Variants in CCDC180 observed in about 807,000 individuals in gnomAD.
CCDC180 encodes the protein coiled-coil domain containing 180.
A neutral mutation model predicts 209.2 loss-of-function variants in CCDC180; 154 were observed. That is an observed-to-expected ratio of 0.74 (90% CI 0.65 to 0.84). The LOEUF (loss-of-function observed/expected upper bound fraction) is 0.84, where lower values mean the gene tolerates loss of function less well. Ranked by LOEUF, CCDC180 falls within the 40% of genes least tolerant of loss-of-function variation. The probability of loss-of-function intolerance (pLI) is 0.00; values close to 1 mark genes in which losing one functional copy is unlikely to be tolerated. For synonymous variants in CCDC180, 778 were observed against 749.1 expected (o/e 1.04, Z -0.63); for missense variants, 1,874 against 1,997.3 (o/e 0.94, Z 1.18).
chr9:97,331,390 C>T (rs556691844), intron 18 of CCDC180, among the ~76,000 whole-genome samples: 21 of 152,144 alleles, frequency 1.4e-4, no homozygotes, highest in Non-Finnish European at 2.6e-4. Context: ...TATATGCATG[C>T]ATGTGTCTTT....
intron 20 of CCDC180, 126 bp downstream of exon 20, chr9:97,347,615 C>T (rs965126659): frequency 1.2e-5 from 11 of 911,838 alleles, no homozygotes; most frequent in South Asian, 1.8e-5. Flanking sequence ...GTTCTCATCA[C>T]ACCATGGAAG....
At chr9:97,325,214 C>T in intron 14 of CCDC180, 22 bp downstream of exon 14, 1 of 1,566,060 alleles carries the variant, frequency 6.4e-7, no homozygotes, top group Non-Finnish European at 8.7e-7. Context: ...ACCCGGGGCT[C>T]CATGTTTCAC....
chr9:97,347,324 G>A lies in CCDC180; in HGVS notation c.2509G>A (p.Gly837Ser). 3 of 1,535,922 alleles carry A rather than the reference G, an allele frequency of 2.0e-6. No homozygotes were observed. The highest frequency in any genetic ancestry group is 2.6e-6 in the Non-Finnish European group (3 of 1,146,894). Reference protein sequence around the residue: ...ILEIKKQLRAGFFEHLEKWFD... With the variant: ...ILEIKKQLRASFFEHLEKWFD... ...TGGTCTCGCCCTCAGACTTCGAGCT[G>A]GCTTCTTCGAGCACCTTGAGAAGTG... Residue 837 changes from glycine to serine, a missense_variant, in exon 20 of 37, where the codon GGC becomes AGC. Physicochemically the swap from Gly to Ser is moderately conservative, Grantham distance 56. Coordinates refer to ENST00000529487, the MANE Select transcript of CCDC180 (RefSeq NM_020893.6).
rs1411353956 is a variant in CCDC180 at position 97,314,847 on chromosome 9, C to T, written c.700-4C>T. On this transcript the variant is annotated splice_polypyrimidine_tract_variant and splice_region_variant and intron_variant, in intron 7 of 36. Coordinates refer to ENST00000529487, the MANE Select transcript of CCDC180 (RefSeq NM_020893.6). ...CACTAAGTATGGTGCCTTGTCATTT[C>T]TAGCTAAAAAGCGTGTTGAAGAAAT... is the stretch of plus-strand genomic sequence containing the variant. 6.2e-7 allele frequency: 1 copy of T among 1,613,084 alleles called. No homozygotes were observed. The highest frequency in any genetic ancestry group is 8.5e-7 in the Non-Finnish European group (1 of 1,179,194).
chr9:97,373,292 A>G (rs1261632821), intron 34 of CCDC180: 1 of 152,278 alleles, frequency 6.6e-6, no homozygotes, highest in African/African-American at 2.4e-5. Flanking sequence ...TGATCTATAA[A>G]GTAATTAAAA....
chr9:97,374,275 C>A (rs533650312), intron 34 of CCDC180: 198 of 433,046 alleles, frequency 4.6e-4, no homozygotes, highest in African/African-American at 3.5e-3. Flanking sequence ...ACTGCAGCAA[C>A]GTCAGAGCAT....
At chr9:97,317,044 C>T (rs1272749310) in intron 8 of CCDC180, 21 bp from the exon 9 acceptor site, 1 of 1,597,444 alleles carries the variant, frequency 6.3e-7, no homozygotes, top group Admixed American at 1.7e-5. Context: ...TGTCTAGAGC[C>T]CTGCCCATCT....
chr9:97,322,816 G>A lies in CCDC180; in HGVS notation c.1160-17G>A, dbSNP rs761916590. 1 of 1,612,216 alleles carries A rather than the reference G, an allele frequency of 6.2e-7. No individual in the cohort carries two copies. The highest frequency in any genetic ancestry group is 8.5e-7 in the Non-Finnish European group (1 of 1,178,622). On this transcript the variant is annotated splice_polypyrimidine_tract_variant and intron_variant, in intron 11 of 36. Coordinates refer to ENST00000529487, the MANE Select transcript of CCDC180 (RefSeq NM_020893.6). ...TCTTCCTTCTGGACTGATTTGCTTT[G>A]TTTTCTGCCCATGGAGACACCTACC... is the stretch of plus-strand genomic sequence containing the variant.
At position 97,350,421 on chromosome 9, in the gene CCDC180, C is replaced by G; in HGVS notation, c.2868C>G (p.Leu956=). ...NATRSQKLVT[L]SNTLHQELLS... is the part of the protein sequence containing the mutation. ...CTGTCTCCCACAGGCTGGTCACTCT[C>G]AGCAACACACTGCACCAGGAGTTGC... Residue 956 remains leucine, a synonymous_variant, in exon 22 of 37, where the codon CTC becomes CTG. Coordinates refer to ENST00000529487, the MANE Select transcript of CCDC180 (RefSeq NM_020893.6). The G allele has an allele frequency of 6.5e-7, 1 of 1,535,582 alleles. No individual in the cohort carries two copies. The highest frequency in any genetic ancestry group is 1.4e-5 in the African/African-American group (1 of 73,120).
chr9:97,368,105 C>T (rs543781379), intron 31 of CCDC180, among the ~76,000 whole-genome samples: 8 of 152,308 alleles, frequency 5.3e-5, no homozygotes, highest in Admixed American at 5.2e-4. Flanking sequence ...CTTCTGTTTC[C>T]TGCAGCTTGG....
chr9:97,347,328 T>C lies in CCDC180; in HGVS notation c.2513T>C (p.Phe838Ser), dbSNP rs751099606. 4 of 1,535,980 alleles carry C rather than the reference T, an allele frequency of 2.6e-6. No individual in the cohort carries two copies. The South Asian group carries it at 4.8e-5, about 18-fold the overall frequency. ...LEIKKQLRAGFFEHLEKWFDQ... is the reference protein window; with the variant it reads ...LEIKKQLRAGSFEHLEKWFDQ... ...CTCGCCCTCAGACTTCGAGCTGGCTTCTTCGAGCACCTTGAGAAGTGGTTT... is the reference window on the plus strand; with the variant it reads ...CTCGCCCTCAGACTTCGAGCTGGCTCCTTCGAGCACCTTGAGAAGTGGTTT... Residue 838 changes from phenylalanine to serine, a missense_variant, in exon 20 of 37, where the codon TTC becomes TCC. Transcript: ENST00000529487.
At chr9:97,371,929 C>G (rs1827112186) in intron 34 of CCDC180, 2 of 367,248 alleles carry the variant, frequency 5.4e-6, no homozygotes, top group South Asian at 1.7e-4. Flanking sequence ...AGTAAACACT[C>G]CCATACTCTT....
intron 16 of CCDC180, among the ~76,000 whole-genome samples, chr9:97,329,152 G>C (rs1424636421): frequency 6.6e-6 from 1 of 152,224 alleles, no homozygotes; most frequent in Admixed American, 6.5e-5. Flanking sequence ...GCTAATAGCT[G>C]CTCCCTGTGC....
At chr9:97,321,000 G>C (rs1171937450) in intron 11 of CCDC180, among the ~76,000 whole-genome samples, 1 of 152,158 alleles carries the variant, frequency 6.6e-6, no homozygotes, top group Non-Finnish European at 1.5e-5. Context: ...GTGGTGCCTG[G>C]ATACGTGGTG....
At position 97,325,071 on chromosome 9, in the gene CCDC180, TC is replaced by T. The variant is rs1587793671; in HGVS notation, c.1425del (p.Phe475LeufsTer54). On this transcript the variant is annotated frameshift_variant, in exon 14 of 37. Coordinates refer to ENST00000529487, the MANE Select transcript of CCDC180 (RefSeq NM_020893.6). LOFTEE classifies it high-confidence loss of function. ...DQTEWQSSHL[F>X]KYFQEVVQLW... ...ACAGAGTGGCAGAGTTCACACCTCT[TC>T]AAGTATTTCCAGGAGGTGGTACAAC... The T allele has an allele frequency of 4.3e-6, 7 of 1,614,058 alleles. No individual in the cohort carries two copies. In the East Asian group the frequency reaches 1.3e-4, roughly 31 times the overall value.
intron 8 of CCDC180, among the ~76,000 whole-genome samples, chr9:97,316,196 A>C (rs1833167103): frequency 6.6e-6 from 1 of 152,206 alleles, no homozygotes; most frequent in Non-Finnish European, 1.5e-5. Context: ...TCATTATTAC[A>C]ACTTGCATTT....
intron 31 of CCDC180, among the ~76,000 whole-genome samples, chr9:97,368,402 G>T (rs569280525): frequency 2.6e-5 from 4 of 152,334 alleles, no homozygotes; most frequent in Non-Finnish European, 5.9e-5. Context: ...AAAGTGGGAA[G>T]TCTAAAAGGA....
chr9:97,356,376 A>G (rs144499718), intron 24 of CCDC180, among the ~76,000 whole-genome samples: 1 of 152,148 alleles, frequency 6.6e-6, no homozygotes. Context: ...CTTCCTGCCC[A>G]TTTCACCCCA....
chr9:97,319,083 C>T (rs1304323196), intron 10 of CCDC180, among the ~76,000 whole-genome samples: 3 of 152,098 alleles, frequency 2.0e-5, no homozygotes, highest in African/African-American at 7.2e-5. Flanking sequence ...ACTGAGTGTT[C>T]TAGATCCAGC....
Sources: allele counts gnomAD v4.1 joint callset (sites outside exome capture counted in the v4.1 genomes callset), GRCh38; gene constraint gnomAD v4.1.1; transcripts MANE v1.5; gene names NCBI Gene and HGNC (gene_info 2026-07-23, HGNC 2026-07-21).